The following MRTFB variants were observed in gnomAD, a reference collection of about 807,000 sequenced individuals.
The protein encoded by MRTFB is myocardin-related transcription factor B.
Under a neutral mutation model 104.2 loss-of-function variants are expected in MRTFB, and 29 were observed. The ratio of observed to expected loss-of-function variants is 0.28; its 90% CI spans 0.21 to 0.38. MRTFB has a LOEUF of 0.38. MRTFB is among the 10% of genes least tolerant of loss of function. MRTFB has a pLI of 1.00. For missense variants in MRTFB, 1,270 were observed against 1,341.6 expected (o/e 0.95, Z 0.83); for synonymous variants, 535 against 519.5 (o/e 1.03, Z -0.41).
At chr16:14,241,324 T>A (rs2042758659) in intron 10 of MRTFB, 2 of 152,470 alleles carry the variant, frequency 1.3e-5, no homozygotes, top group African/African-American at 4.8e-5. Flanking sequence ...TGAACCCAAC[T>A]GTGGGGGACG....
intron 3 of MRTFB, chr16:14,142,236 C>G (rs557854737): frequency 7.2e-6 from 1 of 138,890 alleles, no homozygotes; most frequent in East Asian, 2.1e-4. Context: ...AACCTTCCAT[C>G]TTTTCTTTCT....
the MRTFB span, among the ~76,000 whole-genome samples, chr16:14,031,029 A>G: frequency 1.3e-5 from 2 of 152,216 alleles, no homozygotes; most frequent in Admixed American, 1.3e-4. Context: ...AATGCACAGG[A>G]CAAAGAATTA....
intron 3 of MRTFB, among the ~76,000 whole-genome samples, chr16:14,159,791 G>C (rs906186227): frequency 2.0e-5 from 3 of 150,298 alleles, no homozygotes; most frequent in African/African-American, 7.3e-5. Flanking sequence ...TTAGCCGGGC[G>C]TAGTGGCGGG....
At chr16:14,222,347 C>A (rs747652668) in intron 8 of MRTFB, among the ~76,000 whole-genome samples, 1 of 152,122 alleles carries the variant, frequency 6.6e-6, no homozygotes, top group African/African-American at 2.4e-5. Flanking sequence ...AGGCTGCATG[C>A]GGCCCAGGAC....
chr16:14,127,174 G>A (rs186531799), intron 2 of MRTFB, among the ~76,000 whole-genome samples: 1 of 152,248 alleles, frequency 6.6e-6, no homozygotes, highest in East Asian at 1.9e-4. Context: ...GTTTGTGCAA[G>A]GATTGCTTTA....
intron 5 of MRTFB, 137 bp downstream of exon 5, chr16:14,212,546 T>A: frequency 2.7e-6 from 2 of 746,892 alleles, no homozygotes; most frequent in Non-Finnish European, 4.4e-6. Flanking sequence ...ATACATGGCA[T>A]AGAGAATATT....
intron 8 of MRTFB, among the ~76,000 whole-genome samples, chr16:14,232,600 T>A (rs1334262860): frequency 6.6e-6 from 1 of 152,174 alleles, no homozygotes; most frequent in Admixed American, 6.5e-5. Flanking sequence ...TACTAATAAC[T>A]GAAAAGCTGA....
At position 14,215,639 on chromosome 16, in the gene MRTFB, G is replaced by C. The variant is rs140367172; in HGVS notation, c.353-1487G>C. On this transcript the variant is annotated intron_variant, in intron 6 of 16. Coordinates refer to ENST00000571589, the MANE Select transcript of MRTFB (RefSeq NM_001308142.2). ...GAGGCATTGAAATATCAACCTGAGAGTAATTCTTATGTTCTGATTCTCCCC... is the reference window on the plus strand; with the variant it reads ...GAGGCATTGAAATATCAACCTGAGACTAATTCTTATGTTCTGATTCTCCCC... 5.0e-3 allele frequency among the ~76,000 whole-genome samples: 762 copies of C among 152,324 alleles called. 5 individuals are homozygous for C. Among genetic ancestry groups the C allele is most frequent in the African/African-American group, 0.017 (716 of 41,552 alleles).
At chr16:14,006,767 G>C in the MRTFB span, among the ~76,000 whole-genome samples, 1 of 151,652 alleles carries the variant, frequency 6.6e-6, no homozygotes, top group African/African-American at 2.4e-5. Context: ...TGTAATTCCA[G>C]CAATTTGGAA....
At chr16:14,082,165 G>GT (rs2034450827) in intron 2 of MRTFB, among the ~76,000 whole-genome samples, 1 of 152,136 alleles carries the variant, frequency 6.6e-6, no homozygotes, top group African/African-American at 2.4e-5. Context: ...GGAGCTTAAT[G>GT]TTTTCACATC....
At position 14,264,799 on chromosome 16, in the gene MRTFB, C is replaced by T. The variant is rs1277626563; in HGVS notation, c.*3355C>T. 1 of 152,136 alleles carries T rather than the reference C, an allele frequency of 6.6e-6. No homozygotes were observed. The highest frequency in any genetic ancestry group is 1.5e-5 in the Non-Finnish European group (1 of 68,044). The allele number at this position is 152,136 out of a possible 1,614,324, so 9.4% of individuals were successfully genotyped here. On this transcript the variant is annotated 3_prime_UTR_variant, in exon 17 of 17. Transcript: ENST00000571589. Reference sequence around the variant, plus strand: ...CCTCTGAACTGTGCAGTCAGCATACCCTGAGTGATGGCTCAGGGGCGCACT... The same window carrying T: ...CCTCTGAACTGTGCAGTCAGCATACTCTGAGTGATGGCTCAGGGGCGCACT...
At chr16:14,168,094 T>C (rs1021548662) in intron 3 of MRTFB, among the ~76,000 whole-genome samples, 2 of 152,184 alleles carry the variant, frequency 1.3e-5, no homozygotes, top group African/African-American at 4.8e-5. Context: ...AATAGGGAAT[T>C]CTTTCCTCAT....
the MRTFB span, among the ~76,000 whole-genome samples, chr16:14,038,492 T>A: frequency 6.6e-6 from 1 of 152,186 alleles, no homozygotes; most frequent in African/African-American, 2.4e-5. Flanking sequence ...TCTTGAGGAA[T>A]AATCAATCTT....
chr16:14,237,331 A>G (rs1475270711), intron 9 of MRTFB, among the ~76,000 whole-genome samples: 1 of 152,218 alleles, frequency 6.6e-6, no homozygotes. Flanking sequence ...AGAGTGAGGC[A>G]AGGCAGCCCT....
At chr16:14,197,781 A>T (rs1218691029) in intron 3 of MRTFB, among the ~76,000 whole-genome samples, 2 of 152,192 alleles carry the variant, frequency 1.3e-5, no homozygotes. Flanking sequence ...TTGTTATTGT[A>T]GTTACCAAAT....
In MRTFB at chr16:14,075,238, T is replaced by C. The variant is rs537288377; in HGVS notation, c.-129+3873T>C. On this transcript the variant is annotated intron_variant, in intron 1 of 16. Transcript: ENST00000571589. ...TGTAAGGACTTTTTCTGTCTAATATTGAGTGCAGGTTTCACAGCAAACTCA... is the reference window on the plus strand; with the variant it reads ...TGTAAGGACTTTTTCTGTCTAATATCGAGTGCAGGTTTCACAGCAAACTCA... Among the ~76,000 whole-genome samples, 12 of 152,352 alleles carry C rather than the reference T, an allele frequency of 7.9e-5. No homozygotes were observed. In the South Asian group the frequency reaches 2.3e-3, roughly 29 times the overall value.
chr16:14,001,683 C>T, the MRTFB span, among the ~76,000 whole-genome samples: 16 of 152,358 alleles, frequency 1.1e-4, no homozygotes, highest in Middle Eastern at 6.8e-3. Context: ...AGGGAAGAGA[C>T]GGGCTTCAAG....
chr16:14,184,072 TAAAAAA>T (rs71757134), intron 3 of MRTFB, among the ~76,000 whole-genome samples: 20 of 121,794 alleles, frequency 1.6e-4, no homozygotes, highest in African/African-American at 5.1e-4. Flanking sequence ...TCCTGAAATT[TAAAAAA>T]AAAAAAAAAA....
Position 14,212,243 on chromosome 16 carries a change from G to A in MRTFB, c.221-111G>A, listed in dbSNP as rs2041222012. ...CTCCTAATGGAACTGGTAAATTAAT[G>A]GAACTGTAGTTGTGATCTGTTAATA... On this transcript the variant is annotated intron_variant, in intron 4 of 16. Transcript: ENST00000571589. 3.0e-6 allele frequency: 3 copies of A among 990,334 alleles called. No homozygotes were observed. The South Asian group carries it at 6.1e-5, about 20-fold the overall frequency. The allele number at this position is 990,334 out of a possible 1,614,324, so 61.3% of individuals were successfully genotyped here.
Sources: gnomAD v4.1 joint callset for allele counts (sites outside exome capture counted in the v4.1 genomes callset) on GRCh38, gnomAD v4.1.1 for gene constraint, MANE v1.5 for transcripts, NCBI Gene and HGNC (gene_info 2026-07-23, HGNC 2026-07-21) for gene names.